Variants in STAT5B observed in about 807,000 individuals in gnomAD.
STAT5B encodes the protein transcription factor STAT5B.
A neutral mutation model predicts 107.8 loss-of-function variants in STAT5B; 21 were observed. That is an observed-to-expected ratio of 0.19 (90% confidence interval 0.14 to 0.28). The LOEUF (loss-of-function observed/expected upper bound fraction) is 0.28. Among genes scored for constraint, STAT5B ranks in the 10% least tolerant of loss-of-function variants. The probability of loss-of-function intolerance (pLI) is 1.00; values close to 1 mark genes in which losing one functional copy is unlikely to be tolerated. For missense variants in STAT5B, 565 were observed against 1,008.2 expected (o/e 0.56, Z 5.95); for synonymous variants, 325 against 401.7 (o/e 0.81, Z 2.28).
At chr17:42,272,509 A>C in intron 1 of STAT5B, 1 of 151,950 alleles carries the variant, frequency 6.6e-6, no homozygotes, top group Non-Finnish European at 1.5e-5. Flanking sequence ...CTGTTCTAAG[A>C]CTCCTTCCAA....
chr17:42,223,650 A>G, intron 4 of STAT5B, 94 bp from the exon 5 acceptor site: 1 of 1,481,774 alleles, frequency 6.7e-7, no homozygotes, highest in Non-Finnish European at 9.2e-7. Context: ...CAACCAGGGT[A>G]AGACCCCAAA....
chr17:42,210,376 G>A (rs1472368974), intron 14 of STAT5B, 27 bp downstream of exon 14: 13 of 1,613,926 alleles, frequency 8.1e-6, no homozygotes, highest in Admixed American at 5.0e-5. Context: ...AGACTCTGTC[G>A]GCGCCTTAAG....
intron 12 of STAT5B, among the ~76,000 whole-genome samples, chr17:42,215,793 G>A (rs2080166465): frequency 6.6e-6 from 1 of 151,944 alleles, no homozygotes; most frequent in African/African-American, 2.4e-5. Flanking sequence ...TAATTTTTCG[G>A]TATTTTTTAA....
At chr17:42,265,176 G>A (rs189123060) in intron 1 of STAT5B, among the ~76,000 whole-genome samples, 5,532 of 150,238 alleles carry the variant, frequency 0.037, 320 homozygotes, top group African/African-American at 0.13. Flanking sequence ...CACTCTGATG[G>A]TAGTTTCTTT....
chr17:42,205,085 T>C (rs1209059276), intron 16 of STAT5B, among the ~76,000 whole-genome samples: 2 of 152,194 alleles, frequency 1.3e-5, no homozygotes, highest in Non-Finnish European at 2.9e-5. Context: ...TGGAGTGCAG[T>C]GGTGTGATCT....
chr17:42,208,188 G>A lies in STAT5B; in HGVS notation c.1907-460C>T, dbSNP rs757195393. Among the ~76,000 whole-genome samples the A allele has an allele frequency of 8.6e-5, 13 of 151,868 alleles. 1 individual carries two copies. Among genetic ancestry groups the A allele is most frequent in the South Asian group, 6.3e-4 (3 of 4,794 alleles). The stretch of plus-strand genomic sequence containing the variant: ...ATTACAGGCGTGAGCCACCGTGCCC[G>A]GCCTGAAATAGTTTTAAAAGCCATG... On this transcript the variant is annotated intron_variant, in intron 15 of 18. Transcript: ENST00000293328.
chr17:42,232,965 C>T (rs1297910421), intron 1 of STAT5B, among the ~76,000 whole-genome samples: 1 of 151,582 alleles, frequency 6.6e-6, no homozygotes, highest in Non-Finnish European at 1.5e-5. Context: ...CCTCAGCCTC[C>T]CAAGTAGCTG....
intron 1 of STAT5B, among the ~76,000 whole-genome samples, chr17:42,256,440 G>C (rs980552538): frequency 4.0e-4 from 61 of 152,156 alleles, no homozygotes; most frequent in African/African-American, 1.4e-3. Flanking sequence ...GAGGGTTGAA[G>C]TTCTCTGGAT....
intron 1 of STAT5B, among the ~76,000 whole-genome samples, chr17:42,245,297 C>T (rs775140689): frequency 4.6e-5 from 7 of 151,546 alleles, no homozygotes; most frequent in Admixed American, 3.3e-4. Flanking sequence ...AAGATGGTCT[C>T]GACCTCATGA....
chr17:42,230,145 T>C (rs1227824133), intron 2 of STAT5B, among the ~76,000 whole-genome samples: 1 of 152,198 alleles, frequency 6.6e-6, no homozygotes, highest in African/African-American at 2.4e-5. Context: ...AGCTAATTTT[T>C]TTCCCTCACT....
chr17:42,258,536 G>A (rs1166067961), intron 1 of STAT5B, among the ~76,000 whole-genome samples: 1 of 152,188 alleles, frequency 6.6e-6, no homozygotes, highest in Non-Finnish European at 1.5e-5. Context: ...AAAATTAGCT[G>A]GGCATGGTGG....
chr17:42,280,335 C>T (rs746239591), upstream of STAT5B, among the ~76,000 whole-genome samples: 6 of 152,028 alleles, frequency 3.9e-5, no homozygotes, highest in Non-Finnish European at 7.4e-5. Flanking sequence ...CTCCTCCCCT[C>T]TCTCTCTCAT....
intron 1 of STAT5B, among the ~76,000 whole-genome samples, chr17:42,274,024 C>A (rs2080742716): frequency 6.6e-6 from 1 of 151,982 alleles, no homozygotes. Flanking sequence ...ACACTCCAAA[C>A]GATGATAGCA....
chr17:42,210,311 C>CAAGGACA lies in STAT5B; in HGVS notation c.1776-17_1776-11dup. ...AAACCCCAAAATGGCCCTGGATCAC[C>CAAGGACA]AAGGACAAAGGACAGAAGCAGAGTG... is the stretch of plus-strand genomic sequence containing the variant. On this transcript the variant is annotated splice_polypyrimidine_tract_variant and intron_variant, in intron 14 of 18. Transcript: ENST00000293328. 6.2e-7 allele frequency: 1 copy of CAAGGACA among 1,614,132 alleles called. No individual in the cohort carries two copies. The highest frequency in any genetic ancestry group is 8.5e-7 in the Non-Finnish European group (1 of 1,180,028).
At chr17:42,272,318 A>G (rs974713224) in intron 1 of STAT5B, 1 of 152,158 alleles carries the variant, frequency 6.6e-6, no homozygotes, top group South Asian at 2.1e-4. Flanking sequence ...TATCATTACT[A>G]CTTAATATAA....
intron 1 of STAT5B, among the ~76,000 whole-genome samples, chr17:42,266,354 C>T (rs761621263): frequency 2.0e-5 from 3 of 151,216 alleles, no homozygotes; most frequent in Non-Finnish European, 2.9e-5. Context: ...ATAGTGAGAC[C>T]CCACTCTTTA....
chr17:42,278,905 A>G (rs926628663), upstream of STAT5B, among the ~76,000 whole-genome samples: 10 of 151,606 alleles, frequency 6.6e-5, no homozygotes, highest in Admixed American at 6.6e-5. Context: ...CTTGAACCCG[A>G]GAGGCAGAGG....
At chr17:42,203,462 G>C (rs1166060561) in intron 16 of STAT5B, among the ~76,000 whole-genome samples, 1 of 151,730 alleles carries the variant, frequency 6.6e-6, no homozygotes, top group East Asian at 1.9e-4. Context: ...ATGCAGCAGA[G>C]AGACAGGATT....
intron 16 of STAT5B, among the ~76,000 whole-genome samples, chr17:42,205,017 ACTCTGCATAGG>A (rs2144202277): frequency 6.6e-6 from 1 of 151,996 alleles, no homozygotes; most frequent in South Asian, 2.1e-4. Context: ...CTGAGCTGTA[ACTCTGCATAGG>A]ATATATTTCT....
Sources: allele counts gnomAD v4.1 joint callset (sites outside exome capture counted in the v4.1 genomes callset), GRCh38; gene constraint gnomAD v4.1.1; transcripts MANE v1.5; gene names NCBI Gene and HGNC (gene_info 2026-07-23, HGNC 2026-07-21).